Variants in CFAP299 observed in about 807,000 individuals in gnomAD.
The protein encoded by CFAP299 is cilia- and flagella-associated protein 299.
A neutral mutation model predicts 27.0 loss-of-function variants in CFAP299; 21 were observed. That is an observed-to-expected ratio of 0.78 (90% CI 0.55 to 1.12). The LOEUF (loss-of-function observed/expected upper bound fraction) is 1.12, where lower values mean the gene tolerates loss of function less well. CFAP299 is among the 50% of genes most tolerant of loss of function. The pLI, the probability that CFAP299 is intolerant of heterozygous loss-of-function variation, is 0.00. For synonymous variants in CFAP299, 104 were observed against 98.1 expected, an observed-to-expected ratio of 1.06 and a Z score of -0.36; for missense variants, 310 against 276.6, an observed-to-expected ratio of 1.12 and a Z score of -0.86.
chr4:80,735,467 G>C (rs992128698), intron 3 of CFAP299, among the ~76,000 whole-genome samples: 1 of 151,990 alleles, frequency 6.6e-6, no homozygotes, highest in Non-Finnish European at 1.5e-5. Flanking sequence ...AGAACTTCCA[G>C]TACTATGTTG....
intron 2 of CFAP299, among the ~76,000 whole-genome samples, chr4:80,454,930 C>T (rs1300267908): frequency 6.6e-6 from 1 of 152,122 alleles, no homozygotes; most frequent in African/African-American, 2.4e-5. Flanking sequence ...GAGTTGAAGC[C>T]TCTTGCACTA....
At chr4:80,757,102 A>G (rs1725278199) in intron 3 of CFAP299, among the ~76,000 whole-genome samples, 1 of 152,152 alleles carries the variant, frequency 6.6e-6, no homozygotes, top group Non-Finnish European at 1.5e-5. Context: ...AGATCACTCA[A>G]GCTTCATATT....
chr4:80,518,757 G>C (rs766989284), intron 2 of CFAP299, among the ~76,000 whole-genome samples: 12 of 152,134 alleles, frequency 7.9e-5, no homozygotes, highest in Non-Finnish European at 1.6e-4. Context: ...AGGTATCCCT[G>C]CCTGGCGAAT....
intron 3 of CFAP299, among the ~76,000 whole-genome samples, chr4:80,690,920 T>C (rs138690243): frequency 0.91 from 131,450 of 144,162 alleles, 60,079 homozygotes; most frequent in East Asian, 1. Context: ...AACACCTCTA[T>C]GCAAATAAAC....
At chr4:80,403,817 T>C (rs948644443) in intron 2 of CFAP299, among the ~76,000 whole-genome samples, 1 of 152,234 alleles carries the variant, frequency 6.6e-6, no homozygotes, top group Non-Finnish European at 1.5e-5. Flanking sequence ...CTCACCTCTG[T>C]CTTATCAGAA....
chr4:80,943,694 A>T (rs1345161231), intron 4 of CFAP299, among the ~76,000 whole-genome samples: 2 of 152,196 alleles, frequency 1.3e-5, no homozygotes, highest in East Asian at 3.9e-4. Context: ...CTTTCAATTC[A>T]TATGACAGTA....
intron 3 of CFAP299, among the ~76,000 whole-genome samples, chr4:80,782,707 A>AGC (rs1560749348): frequency 1.3e-4 from 17 of 131,386 alleles, no homozygotes; most frequent in African/African-American, 4.9e-4. Flanking sequence ...ATTCATATAT[A>AGC]ATATACATAT....
chr4:80,510,098 A>C (rs1196811904), intron 2 of CFAP299, among the ~76,000 whole-genome samples: 1 of 152,098 alleles, frequency 6.6e-6, no homozygotes, highest in Non-Finnish European at 1.5e-5. Context: ...TCCATTTTGC[A>C]CTGAATCCTC....
chr4:80,679,166 A>G (rs534187797), intron 3 of CFAP299, among the ~76,000 whole-genome samples: 15 of 152,166 alleles, frequency 9.9e-5, no homozygotes, highest in African/African-American at 3.6e-4. Flanking sequence ...TATACACTGT[A>G]TAATATTTTG....
chr4:80,595,803 A>G (rs181009935), intron 3 of CFAP299, among the ~76,000 whole-genome samples: 27 of 152,280 alleles, frequency 1.8e-4, no homozygotes, highest in Non-Finnish European at 2.8e-4. Flanking sequence ...GAAATTATGG[A>G]CATATTTTCT....
rs568429884 is a variant in CFAP299, at chr4:80,941,415, G to T, written c.477-3395G>T. The stretch of plus-strand genomic sequence containing the variant: ...GAACATGTTTGATTTTGTAGAAACC[G>T]TAATTACAGGACCTAACTGGAATAT... On this transcript the variant is annotated intron_variant, in intron 4 of 5. Coordinates refer to ENST00000358105, the MANE Select transcript of CFAP299 (RefSeq NM_152770.3). 2.0e-3 allele frequency among the ~76,000 whole-genome samples: 306 copies of T among 152,148 alleles called. 2 individuals are homozygous for T. Among genetic ancestry groups the T allele is most frequent in the Non-Finnish European group, 3.6e-3 (248 of 68,000 alleles).
Position 80,963,548 on chromosome 4 carries a change from C to G in CFAP299, c.638C>G (p.Thr213Ser). 6.2e-7 allele frequency: 1 copy of G among 1,608,150 alleles called. No individual in the cohort carries two copies. Residue 213 changes from threonine (T) to serine (S), a missense_variant, in exon 6 of 6, where the codon ACT becomes AGT. Coordinates refer to ENST00000358105, the MANE Select transcript of CFAP299 (RefSeq NM_152770.3). ...AQPGDNSTRI[T>S]ILTELYVQAV... is the part of the protein sequence containing the mutation. ...CCAGGTGACAACTCTACTAGAATCA[C>G]TATCCTGACAGAACTCTACGTACAA...
intron 4 of CFAP299, among the ~76,000 whole-genome samples, chr4:80,905,001 C>G (rs187306006): frequency 1.3e-5 from 2 of 152,066 alleles, no homozygotes; most frequent in South Asian, 2.1e-4. Flanking sequence ...AAATATCCAG[C>G]CTTATGATAC....
intron 4 of CFAP299, among the ~76,000 whole-genome samples, chr4:80,879,677 C>T (rs375263500): frequency 6.6e-6 from 1 of 152,034 alleles, no homozygotes; most frequent in Non-Finnish European, 1.5e-5. Context: ...GTGAGTGAAG[C>T]AGATAAGCCC....
intron 1 of CFAP299, among the ~76,000 whole-genome samples, chr4:80,356,415 T>A (rs1204865639): frequency 6.6e-6 from 1 of 152,200 alleles, no homozygotes; most frequent in Non-Finnish European, 1.5e-5. Context: ...AATCTATAAA[T>A]TGCTTTGGGC....
intron 3 of CFAP299, among the ~76,000 whole-genome samples, chr4:80,864,044 A>C (rs1335491160): frequency 6.6e-6 from 1 of 152,010 alleles, no homozygotes; most frequent in Non-Finnish European, 1.5e-5. Context: ...AAATGTCATA[A>C]GGGATCTCTT....
intron 2 of CFAP299, among the ~76,000 whole-genome samples, chr4:80,398,778 G>A (rs185484786): frequency 2.2e-4 from 34 of 152,206 alleles, no homozygotes; most frequent in African/African-American, 7.9e-4. Context: ...ACATAGGCAT[G>A]GGCAAGGACT....
At chr4:80,429,436 C>T (rs1469120089) in intron 2 of CFAP299, among the ~76,000 whole-genome samples, 1 of 152,034 alleles carries the variant, frequency 6.6e-6, no homozygotes, top group Non-Finnish European at 1.5e-5. Flanking sequence ...AATGTTTCTC[C>T]TTTAACTTCA....
intron 2 of CFAP299, among the ~76,000 whole-genome samples, chr4:80,454,733 A>G (rs952388955): frequency 5.3e-5 from 8 of 152,146 alleles, no homozygotes; most frequent in Admixed American, 5.2e-4. Flanking sequence ...TTATCAAGAG[A>G]GGGGAATTGA....
Sources: allele counts gnomAD v4.1 joint callset (sites outside exome capture counted in the v4.1 genomes callset), GRCh38; gene constraint gnomAD v4.1.1; transcripts MANE v1.5; gene names NCBI Gene and HGNC (gene_info 2026-07-23, HGNC 2026-07-21).